The following CERS6 variants were observed in gnomAD, a reference collection of about 807,000 sequenced individuals.
CERS6 encodes the protein LAG1 homolog, ceramide synthase 6.
In CERS6, 26 loss-of-function variants were observed where a neutral mutation model predicts 56.8. That is an observed-to-expected ratio of 0.46 (90% CI 0.34 to 0.63). The LOEUF (loss-of-function observed/expected upper bound fraction) is 0.63, where lower values mean the gene tolerates loss of function less well. Among genes scored for constraint, CERS6 ranks in the 30% least tolerant of loss-of-function variants. The probability of loss-of-function intolerance (pLI) is 0.01; values close to 1 mark genes in which losing one functional copy is unlikely to be tolerated. For synonymous variants in CERS6, 164 were observed against 173.3 expected, an observed-to-expected ratio of 0.95 and a Z score of 0.42; for missense variants, 415 against 467.5, an observed-to-expected ratio of 0.89 and a Z score of 1.04.
chr2:168,658,235 A>G (rs1685540206), intron 4 of CERS6, among the ~76,000 whole-genome samples: 1 of 152,174 alleles, frequency 6.6e-6, no homozygotes, highest in Non-Finnish European at 1.5e-5. Flanking sequence ...ATAAATAATA[A>G]TGTAAACATA....
In CERS6 at chr2:168,608,097, C is replaced by T. The variant is rs114874635; in HGVS notation, c.408-22888C>T. On this transcript the variant is annotated intron_variant, in intron 3 of 9. Coordinates refer to ENST00000305747, the MANE Select transcript of CERS6 (RefSeq NM_203463.3). The stretch of plus-strand genomic sequence containing the variant: ...ACCACCACTAATCTATTTTCTGTCG[C>T]AATAGATTTGCCTTTTCAGAACATT... Among the ~76,000 whole-genome samples, 516 of 152,302 alleles carry T rather than the reference C, an allele frequency of 3.4e-3. 3 individuals carry two copies. The highest frequency in any genetic ancestry group is 0.011 in the African/African-American group (448 of 41,564).
chr2:168,575,449 T>C (rs898569472), intron 3 of CERS6, among the ~76,000 whole-genome samples: 8 of 151,938 alleles, frequency 5.3e-5, no homozygotes, highest in Non-Finnish European at 8.8e-5. Flanking sequence ...TCACTCTCTT[T>C]AAAACTATCA....
chr2:168,596,075 CCT>C (rs1239724319), intron 3 of CERS6, among the ~76,000 whole-genome samples: 2 of 99,398 alleles, frequency 2.0e-5, no homozygotes, highest in African/African-American at 7.7e-5. Context: ...AAAGCGAGAC[CCT>C]GTCTCAAAAA....
chr2:168,734,090 A>G (rs1683636803), intron 8 of CERS6, among the ~76,000 whole-genome samples: 1 of 152,160 alleles, frequency 6.6e-6, no homozygotes. Flanking sequence ...AAGTTTTATG[A>G]TGTTATGCTT....
At chr2:168,512,781 C>T (rs1315184172) in intron 1 of CERS6, among the ~76,000 whole-genome samples, 1 of 151,800 alleles carries the variant, frequency 6.6e-6, no homozygotes, top group Non-Finnish European at 1.5e-5. Flanking sequence ...GATTCTCCTG[C>T]TTCAGCCTCC....
Position 168,765,676 on chromosome 2 carries a change from A to G in CERS6, c.930A>G (p.Leu310=). 1 of 1,614,118 alleles carries G rather than the reference A, an allele frequency of 6.2e-7. No homozygotes were observed. The highest frequency in any genetic ancestry group is 8.5e-7 in the Non-Finnish European group (1 of 1,179,968). ...GGGTTTTTAACCTACTGCTATTGCT[A>G]GTACAAGGGTTGAACTGCTTCTGGT... ...SWWVFNLLLL[L]VQGLNCFWSY... Residue 310 remains leucine (L), a synonymous_variant, in exon 9 of 10, where the codon CTA becomes CTG. Coordinates refer to ENST00000305747, the MANE Select transcript of CERS6 (RefSeq NM_203463.3).
chr2:168,474,804 G>A (rs1008630936), intron 1 of CERS6, among the ~76,000 whole-genome samples: 6 of 152,154 alleles, frequency 3.9e-5, no homozygotes, highest in African/African-American at 1.4e-4. Context: ...TAACAGGAAT[G>A]GTGAGTGTTG....
intron 1 of CERS6, among the ~76,000 whole-genome samples, chr2:168,519,856 G>C (rs73020562): frequency 0.013 from 1,955 of 152,194 alleles, 37 homozygotes; most frequent in African/African-American, 0.044. Flanking sequence ...GGGTTGATTT[G>C]TCTTTGCTAT....
At chr2:168,536,240 G>A (rs1695261309) in intron 1 of CERS6, among the ~76,000 whole-genome samples, 1 of 152,118 alleles carries the variant, frequency 6.6e-6, no homozygotes, top group Non-Finnish European at 1.5e-5. Context: ...ACAACATGGT[G>A]GGACTTTGAT....
intron 7 of CERS6, among the ~76,000 whole-genome samples, chr2:168,716,667 T>C (rs1460624595): frequency 1.3e-5 from 2 of 152,100 alleles, no homozygotes; most frequent in African/African-American, 4.8e-5. Context: ...ATTTACTGAA[T>C]ACTGGTGAAA....
intron 4 of CERS6, among the ~76,000 whole-genome samples, chr2:168,631,726 T>C (rs1257086082): frequency 4.1e-5 from 5 of 120,726 alleles, no homozygotes; most frequent in African/African-American, 1.6e-4. Context: ...TTTATATTTA[T>C]ATTATATATA....
chr2:168,580,145 A>G (rs1683373100), intron 3 of CERS6, among the ~76,000 whole-genome samples: 1 of 152,214 alleles, frequency 6.6e-6, no homozygotes, highest in Non-Finnish European at 1.5e-5. Context: ...TCTTATAGAT[A>G]ACATATGGTG....
intron 1 of CERS6, among the ~76,000 whole-genome samples, chr2:168,546,872 C>A (rs1222640022): frequency 6.6e-6 from 1 of 152,204 alleles, no homozygotes; most frequent in Non-Finnish European, 1.5e-5. Flanking sequence ...TTCACCTGCT[C>A]CCCTTCAGCA....
Position 168,559,733 on chromosome 2 carries a change from T to TTTTATATATATATATATATATA in CERS6, c.277-1459_277-1458insTTTATATATATATATATATATA, listed in dbSNP as rs61031993. ...TGCTTGAGCTGCTTTTAGAAAGGTA[T>TTTTATATATATATATATATATA]CATATATATATATATATATATTTCA... is the stretch of plus-strand genomic sequence containing the variant. On this transcript the variant is annotated intron_variant, in intron 2 of 9. Coordinates refer to ENST00000305747, the MANE Select transcript of CERS6 (RefSeq NM_203463.3). 5.1e-3 allele frequency among the ~76,000 whole-genome samples: 337 copies of TTTTATATATATATATATATATA among 66,260 alleles called. 30 individuals are homozygous for TTTTATATATATATATATATATA. The highest frequency in any genetic ancestry group is 0.014 in the African/African-American group (291 of 20,182). 43.5% of individuals were successfully genotyped at this position (66,260 alleles called of 152,430 possible).
intron 1 of CERS6, among the ~76,000 whole-genome samples, chr2:168,516,664 C>T (rs935640107): frequency 4.6e-5 from 7 of 152,230 alleles, no homozygotes; most frequent in East Asian, 3.9e-4. Context: ...AGAGCTGTTA[C>T]GGTAAATATT....
chr2:168,639,409 A>G (rs1684935983), intron 4 of CERS6, among the ~76,000 whole-genome samples: 1 of 152,228 alleles, frequency 6.6e-6, no homozygotes. Context: ...GACCTCTCTG[A>G]CACAGAAAGA....
At chr2:168,541,290 G>A (rs1411647942) in intron 1 of CERS6, among the ~76,000 whole-genome samples, 6 of 152,308 alleles carry the variant, frequency 3.9e-5, no homozygotes, top group Non-Finnish European at 8.8e-5. Flanking sequence ...GGTGGGCACA[G>A]AACGCCCAGA....
chr2:168,661,753 A>G (rs533090896), intron 4 of CERS6, among the ~76,000 whole-genome samples: 1 of 152,330 alleles, frequency 6.6e-6, no homozygotes, highest in African/African-American at 2.4e-5. Context: ...CAGATACACA[A>G]AGTAACAAGA....
At chr2:168,608,633 T>G (rs1364871006) in intron 3 of CERS6, among the ~76,000 whole-genome samples, 3 of 152,250 alleles carry the variant, frequency 2.0e-5, no homozygotes, top group Non-Finnish European at 4.4e-5. Context: ...TGTTGAATAA[T>G]GATGTTGCAT....
Sources: gnomAD v4.1 joint callset for allele counts (sites outside exome capture counted in the v4.1 genomes callset) on GRCh38, gnomAD v4.1.1 for gene constraint, MANE v1.5 for transcripts, NCBI Gene and HGNC (gene_info 2026-07-23, HGNC 2026-07-21) for gene names.